Variants in ADGRV1 observed in about 807,000 individuals in gnomAD.
ADGRV1 encodes the protein adhesion G protein-coupled receptor V1, also known as G-protein coupled receptor 98.
Under a neutral mutation model 596.2 loss-of-function variants are expected in ADGRV1, and 359 were observed. That is an observed-to-expected ratio of 0.60 (90% CI 0.55 to 0.66). ADGRV1 has a LOEUF of 0.66. Ranked by LOEUF, ADGRV1 falls within the 30% of genes least tolerant of loss-of-function variation. ADGRV1 has a pLI of 0.00. For missense variants in ADGRV1, 7,274 were observed against 7,575.6 expected, an observed-to-expected ratio of 0.96 and a Z score of 1.48; for synonymous variants, 2,681 against 2,679.2, an observed-to-expected ratio of 1.00 and a Z score of -0.02.
intron 30 of ADGRV1, 116 bp downstream of exon 30, chr5:90,690,192 C>A: frequency 1.6e-6 from 1 of 640,046 alleles, no homozygotes; most frequent in Non-Finnish European, 2.7e-6. Context: ...TCTTAACCTG[C>A]TGTTACTGAC....
chr5:90,659,605 T>C (rs528409148), intron 21 of ADGRV1, among the ~76,000 whole-genome samples: 128 of 152,326 alleles, frequency 8.4e-4, no homozygotes, highest in African/African-American at 3.0e-3. Context: ...ACTTGTCAAA[T>C]TTTGGATTTT....
At chr5:90,702,752 ATGTT>A (rs1330087173) in intron 34 of ADGRV1, among the ~76,000 whole-genome samples, 2 of 151,992 alleles carry the variant, frequency 1.3e-5, no homozygotes, top group Non-Finnish European at 2.9e-5. Context: ...TTTTTAGTGA[ATGTT>A]TGTGGTTTTT....
chr5:91,041,181 T>C lies in ADGRV1; in HGVS notation c.18153-31266T>C, dbSNP rs1785314844. 4.6e-5 allele frequency among the ~76,000 whole-genome samples: 7 copies of C among 152,176 alleles called. No homozygotes were observed. The South Asian group carries it at 1.4e-3, about 31-fold the overall frequency. On this transcript the variant is annotated intron_variant, in intron 85 of 89. Transcript: ENST00000405460. ...TAAATCATTCTACTATAAAGACACA[T>C]GCACACATATGTTTATTGCAGCACT...
intron 10 of ADGRV1, among the ~76,000 whole-genome samples, chr5:90,635,902 CT>C (rs34780360): frequency 0.18 from 25,955 of 141,622 alleles, 2,343 homozygotes; most frequent in East Asian, 0.4. Context: ...GCCTATAAAC[CT>C]TTTTTTTTTT....
chr5:91,152,946 G>A (rs1314268859), intron 88 of ADGRV1, among the ~76,000 whole-genome samples: 1 of 152,150 alleles, frequency 6.6e-6, no homozygotes, highest in Non-Finnish European at 1.5e-5. Flanking sequence ...GGCCAGGCAT[G>A]GTGGTTCACA....
chr5:90,819,491 CT>C (rs1158954295), intron 75 of ADGRV1, among the ~76,000 whole-genome samples: 1 of 150,126 alleles, frequency 6.7e-6, no homozygotes, highest in East Asian at 1.9e-4. Context: ...TTTTCTAGTT[CT>C]TTTAATTGTG....
chr5:90,652,529 T>C lies in ADGRV1; in HGVS notation c.3600T>C (p.Asn1200=), dbSNP rs1183737349. Residue 1200 remains asparagine (N), a synonymous_variant, in exon 19 of 90, where the codon AAT becomes AAC. Transcript: ENST00000405460. ...TTCCAGATAAAATTCCTGAATTCAA[T>C]GAATTTTATTTCCTAAAACTTGTAA... ...HAFPDKIPEF[N]EFYFLKLVNI... is the part of the protein sequence containing the mutation. The C allele has an allele frequency of 1.9e-6, 3 of 1,611,594 alleles. No individual in the cohort carries two copies. Among genetic ancestry groups the C allele is most frequent in the Non-Finnish European group, 1.7e-6 (2 of 1,178,292 alleles).
chr5:91,157,112 T>C (rs1015514258), intron 89 of ADGRV1, among the ~76,000 whole-genome samples: 3 of 152,230 alleles, frequency 2.0e-5, no homozygotes, highest in Non-Finnish European at 4.4e-5. Flanking sequence ...GCAAACCTCC[T>C]TGGCCACTAG....
chr5:91,099,804 A>G (rs1457788783), intron 86 of ADGRV1, among the ~76,000 whole-genome samples: 2 of 152,166 alleles, frequency 1.3e-5, no homozygotes, highest in African/African-American at 4.8e-5. Flanking sequence ...TGGAATTAGA[A>G]GCATTGAAAT....
rs1490674610 is a variant in ADGRV1 at position 90,900,871 on chromosome 5, G to T, written c.17856+37014G>T. Among the ~76,000 whole-genome samples the T allele has an allele frequency of 2.6e-5, 4 of 151,932 alleles. No homozygotes were observed. The East Asian group carries it at 7.7e-4, about 29-fold the overall frequency. On this transcript the variant is annotated intron_variant, in intron 83 of 89. Transcript: ENST00000405460. ...TATGTCCCCTACCCCAAAATACAAAGAATAAAATAACAGTCTTTCATAGTA... is the reference window on the plus strand; with the variant it reads ...TATGTCCCCTACCCCAAAATACAAATAATAAAATAACAGTCTTTCATAGTA...
At chr5:90,613,870 G>A (rs1763014553) in intron 1 of ADGRV1, among the ~76,000 whole-genome samples, 1 of 152,016 alleles carries the variant, frequency 6.6e-6, no homozygotes, top group African/African-American at 2.4e-5. Flanking sequence ...TTACTTCTTG[G>A]CCAAGGTAAA....
intron 52 of ADGRV1, among the ~76,000 whole-genome samples, chr5:90,749,382 T>TTTAAAAAGGCATTGTCTTTTGTGAATAAA (rs1754999249): frequency 6.6e-6 from 1 of 152,190 alleles, no homozygotes; most frequent in African/African-American, 2.4e-5. Flanking sequence ...GAGCTGGCTT[T>TTTAAAAAGGCATTGTCTTTTGTGAATAAA]TTAAAAAGGC....
At chr5:90,697,262 G>T in intron 34 of ADGRV1, 116 bp downstream of exon 34, 4 of 913,306 alleles carry the variant, frequency 4.4e-6, no homozygotes, top group Admixed American at 2.5e-5. Context: ...AACTGTGTGT[G>T]TGTTAATCTG....
In ADGRV1 at chr5:90,719,732, A is replaced by G. The variant is rs530791111; in HGVS notation, c.9448-316A>G. ...ACCCTAGATTAGAATGAGATTAATCAAGTTATGTAGCCAGAGCAGGACAAA... is the reference window on the plus strand; with the variant it reads ...ACCCTAGATTAGAATGAGATTAATCGAGTTATGTAGCCAGAGCAGGACAAA... On this transcript the variant is annotated intron_variant, in intron 43 of 89. Coordinates refer to ENST00000405460, the MANE Select transcript of ADGRV1 (RefSeq NM_032119.4). Among the ~76,000 whole-genome samples the G allele has an allele frequency of 3.3e-5, 5 of 152,356 alleles. No individual in the cohort carries two copies. In the East Asian group the frequency reaches 9.6e-4, roughly 29 times the overall value.
chr5:90,851,086 G>A (rs1766435411), intron 79 of ADGRV1, among the ~76,000 whole-genome samples: 1 of 134,926 alleles, frequency 7.4e-6, no homozygotes, highest in Non-Finnish European at 1.6e-5. Flanking sequence ...GATTGAACAT[G>A]GAGTAAGCTA....
intron 82 of ADGRV1, among the ~76,000 whole-genome samples, chr5:90,862,009 C>G (rs533404733): frequency 1.3e-5 from 2 of 152,174 alleles, no homozygotes; most frequent in African/African-American, 2.4e-5. Flanking sequence ...CTTCCTGCCA[C>G]TGGCTTTGAA....
At chr5:90,860,983 G>A (rs1043511347) in intron 82 of ADGRV1, among the ~76,000 whole-genome samples, 1 of 152,054 alleles carries the variant, frequency 6.6e-6, no homozygotes, top group Admixed American at 6.5e-5. Flanking sequence ...ATGTATATAT[G>A]TAATTTATGT....
intron 74 of ADGRV1, among the ~76,000 whole-genome samples, chr5:90,815,323 T>C (rs1051000843): frequency 1.3e-5 from 2 of 152,204 alleles, no homozygotes; most frequent in African/African-American, 4.8e-5. Context: ...ATATCTAAAA[T>C]TTCAAGGACT....
At chr5:90,980,882 A>G (rs577450131) in intron 84 of ADGRV1, among the ~76,000 whole-genome samples, 8 of 152,342 alleles carry the variant, frequency 5.3e-5, no homozygotes, top group East Asian at 3.9e-4. Flanking sequence ...AAGGAATACA[A>G]CAGGTCCTCA....
Sources: gnomAD v4.1 joint callset for allele counts (sites outside exome capture counted in the v4.1 genomes callset) on GRCh38, gnomAD v4.1.1 for gene constraint, MANE v1.5 for transcripts, NCBI Gene and HGNC (gene_info 2026-07-23, HGNC 2026-07-21) for gene names.